The following PDSS2 variants were observed in gnomAD, a reference collection of about 807,000 sequenced individuals.
The protein encoded by PDSS2 is decaprenyl diphosphate synthase subunit 2, also known as all trans-polyprenyl-diphosphate synthase PDSS2.
Under a neutral mutation model 44.5 loss-of-function variants are expected in PDSS2, and 31 were observed. That is an observed-to-expected ratio of 0.70 (90% CI 0.52 to 0.94). The LOEUF (loss-of-function observed/expected upper bound fraction) is 0.94. Ranked by LOEUF, PDSS2 falls within the 40% of genes least tolerant of loss-of-function variation. PDSS2 has a pLI of 0.00. For synonymous variants in PDSS2, 157 were observed against 180.3 expected (o/e 0.87, Z 1.03); for missense variants, 452 against 482.2 (o/e 0.94, Z 0.59).
intron 2 of PDSS2, among the ~76,000 whole-genome samples, chr6:107,326,412 A>G (rs960345778): frequency 2.0e-5 from 3 of 151,896 alleles, no homozygotes; most frequent in African/African-American, 7.2e-5. Context: ...ACCCAGTCCA[A>G]TCATCTGAAC....
intron 1 of PDSS2, among the ~76,000 whole-genome samples, chr6:107,378,397 G>A (rs1045944366): frequency 6.6e-6 from 1 of 152,078 alleles, no homozygotes; most frequent in African/African-American, 2.4e-5. Flanking sequence ...ACCAATAAAT[G>A]AGTTTAGCAA....
intron 3 of PDSS2, among the ~76,000 whole-genome samples, chr6:107,250,549 A>T (rs1774781913): frequency 6.6e-6 from 1 of 151,630 alleles, no homozygotes; most frequent in South Asian, 2.1e-4. Flanking sequence ...TTCCTTGGGG[A>T]GGGTGTTGGG....
At chr6:107,159,101 G>A (rs1356381857) in intron 7 of PDSS2, among the ~76,000 whole-genome samples, 4 of 152,070 alleles carry the variant, frequency 2.6e-5, no homozygotes, top group Non-Finnish European at 5.9e-5. Flanking sequence ...ACATAACACT[G>A]CACAGAGTGC....
intron 4 of PDSS2, among the ~76,000 whole-genome samples, chr6:107,213,856 A>G (rs1582795998): frequency 1.3e-5 from 2 of 152,236 alleles, no homozygotes; most frequent in African/African-American, 2.4e-5. Flanking sequence ...GTTTATTCTC[A>G]TAAGAAACAA....
intron 1 of PDSS2, among the ~76,000 whole-genome samples, chr6:107,343,387 C>G (rs931684203): frequency 2.0e-5 from 3 of 152,184 alleles, no homozygotes; most frequent in Admixed American, 6.5e-5. Context: ...ATGCTGACTG[C>G]AACCTGCTAA....
At chr6:107,412,110 A>C (rs1780519412) in intron 1 of PDSS2, among the ~76,000 whole-genome samples, 2 of 149,666 alleles carry the variant, frequency 1.3e-5, no homozygotes, top group Non-Finnish European at 3.0e-5. Flanking sequence ...CTGGTCTCGA[A>C]CTCCTGACCT....
intron 2 of PDSS2, among the ~76,000 whole-genome samples, chr6:107,274,667 CTTTTTTT>C (rs5878910): frequency 2.4e-4 from 26 of 106,556 alleles, no homozygotes; most frequent in African/African-American, 8.1e-4. Flanking sequence ...ATCTCTCTCT[CTTTTTTT>C]TTTTTTTTTT....
intron 1 of PDSS2, among the ~76,000 whole-genome samples, chr6:107,386,174 G>A (rs1399576708): frequency 6.6e-6 from 1 of 151,986 alleles, no homozygotes; most frequent in Non-Finnish European, 1.5e-5. Context: ...TTATTTAATA[G>A]TTATGTATAT....
chr6:107,232,445 GT>G (rs944941116), intron 4 of PDSS2, among the ~76,000 whole-genome samples: 8 of 152,208 alleles, frequency 5.3e-5, no homozygotes, highest in Admixed American at 1.3e-4. Context: ...TTCCTGGAAT[GT>G]TTTTTCCCCC....
chr6:107,443,610 A>G (rs1367629967), intron 1 of PDSS2, among the ~76,000 whole-genome samples: 1 of 152,220 alleles, frequency 6.6e-6, no homozygotes, highest in Non-Finnish European at 1.5e-5. Flanking sequence ...CTATCATGGC[A>G]GAAGCAGATA....
chr6:107,313,874 G>A (rs534684568), intron 2 of PDSS2, among the ~76,000 whole-genome samples: 45 of 152,236 alleles, frequency 3.0e-4, no homozygotes, highest in Admixed American at 1.8e-3. Flanking sequence ...CATGAGGTCA[G>A]GTGTGGTGGC....
At chr6:107,376,958 C>T (rs1296698784) in intron 1 of PDSS2, among the ~76,000 whole-genome samples, 1 of 151,680 alleles carries the variant, frequency 6.6e-6, no homozygotes, top group Non-Finnish European at 1.5e-5. Flanking sequence ...TAGGCATTAC[C>T]ATTCAGGACA....
intron 1 of PDSS2, among the ~76,000 whole-genome samples, chr6:107,430,147 C>A (rs1455203694): frequency 1.3e-5 from 2 of 151,716 alleles, no homozygotes; most frequent in Non-Finnish European, 2.9e-5. Context: ...CCACTGTAGC[C>A]AATTGTATTC....
intron 3 of PDSS2, among the ~76,000 whole-genome samples, chr6:107,250,475 G>A (rs757524415): frequency 3.7e-4 from 56 of 152,000 alleles, no homozygotes; most frequent in Non-Finnish European, 6.3e-4. Context: ...CATATATAAT[G>A]CATTACACTA....
chr6:107,384,367 G>GC (rs1779545733), intron 1 of PDSS2, among the ~76,000 whole-genome samples: 2 of 152,026 alleles, frequency 1.3e-5, no homozygotes, highest in African/African-American at 4.8e-5. Context: ...CTGGCTGGGC[G>GC]CGGTGGCTCA....
chr6:107,443,785 T>C (rs574943196), intron 1 of PDSS2, among the ~76,000 whole-genome samples: 1 of 152,326 alleles, frequency 6.6e-6, no homozygotes, highest in Admixed American at 6.5e-5. Context: ...ATATCCTACT[T>C]CATCTCTGGT....
At chr6:107,210,221 T>A (rs976902812) in intron 6 of PDSS2, among the ~76,000 whole-genome samples, 1 of 152,218 alleles carries the variant, frequency 6.6e-6, no homozygotes, top group East Asian at 1.9e-4. Context: ...TGTTGCAGTA[T>A]TCTAAGAACT....
intron 2 of PDSS2, among the ~76,000 whole-genome samples, chr6:107,280,242 A>G (rs2114972804): frequency 6.6e-6 from 1 of 152,196 alleles, no homozygotes; most frequent in South Asian, 2.1e-4. Flanking sequence ...TTGTATTTTT[A>G]GTAGAGACAG....
At position 107,248,010 on chromosome 6, in the gene PDSS2, G is replaced by A. The variant is rs148931438; in HGVS notation, c.631-2391C>T. ...GCACTCCAGTTTGGGCGACAAGAGC[G>A]AAACTCCATCTCAAAAAAAAAAAGA... On this transcript the variant is annotated intron_variant, in intron 3 of 7. Transcript: ENST00000369037. Among the ~76,000 whole-genome samples the A allele has an allele frequency of 8.6e-5, 13 of 150,874 alleles. No individual in the cohort carries two copies. The East Asian group carries it at 1.2e-3, about 14-fold the overall frequency.
Sources: allele counts gnomAD v4.1 joint callset (sites outside exome capture counted in the v4.1 genomes callset), GRCh38; gene constraint gnomAD v4.1.1; transcripts MANE v1.5; gene names NCBI Gene and HGNC (gene_info 2026-07-23, HGNC 2026-07-21).